RFC2: variants seen among roughly 807,000 people sequenced by gnomAD.
The protein encoded by RFC2 is A1 40 kDa subunit.
A neutral mutation model predicts 44.8 loss-of-function variants in RFC2; 34 were observed. The observed-to-expected ratio is 0.76, with a 90% CI of 0.58 to 1.01. The LOEUF is 1.01. Among genes scored for constraint, RFC2 ranks in the 50% least tolerant of loss-of-function variants. The probability of loss-of-function intolerance (pLI) is 0.00; values close to 1 mark genes in which losing one functional copy is unlikely to be tolerated. For missense variants in RFC2, 400 were observed against 453.6 expected (o/e 0.88, Z 1.07); for synonymous variants, 177 against 168.9 (o/e 1.05, Z -0.37).
At position 74,240,093 on chromosome 7, in the gene RFC2, G is replaced by T; in HGVS notation, c.538C>A (p.Pro180Thr). Reference protein sequence around the residue: ...ACNASDKIIEPIQSRCAVLRY... With the variant: ...ACNASDKIIETIQSRCAVLRY... The stretch of plus-strand genomic sequence containing the variant: ...AGGACTGCACAGCGGGACTGAATGG[G>T]CTCTGAACAGAGACGGGACAGTAGT... The change falls in exon 7 of 11, where the codon CCC (proline) becomes ACC (threonine). Residue 180 changes from proline (P) to threonine (T), a missense_variant and splice_region_variant. Transcript: ENST00000055077. 6.2e-7 allele frequency: 1 copy of T among 1,613,490 alleles called. No individual in the cohort carries two copies. The highest frequency in any genetic ancestry group is 1.3e-5 in the African/African-American group (1 of 75,024).
intron 10 of RFC2, among the ~76,000 whole-genome samples, chr7:74,234,561 G>T (rs1397171250): frequency 1.3e-5 from 2 of 152,000 alleles, no homozygotes; most frequent in Admixed American, 1.3e-4. Flanking sequence ...CAGCCACGTT[G>T]ATCTAGTTTG....
At position 74,240,058 on chromosome 7, in the gene RFC2, T is replaced by C; in HGVS notation, c.573A>G (p.Thr191=). The part of the protein sequence containing the change: ...IQSRCAVLRY[T]KLTDAQILTR... ...TGAGGATCTGGGCGTCGGTCAGCTT[T>C]GTGTACCGGAGGACTGCACAGCGGG... The change falls in exon 7 of 11, where the codon ACA becomes ACG. Residue 191 remains threonine (T), a synonymous_variant. Transcript: ENST00000055077. The C allele has an allele frequency of 6.2e-7, 1 of 1,614,100 alleles. No individual in the cohort carries two copies. The highest frequency in any genetic ancestry group is 1.1e-5 in the South Asian group (1 of 91,076).
At chr7:74,239,083 G>A (rs1028770514) in intron 7 of RFC2, 95 bp from the exon 8 acceptor site, 22 of 961,844 alleles carry the variant, frequency 2.3e-5, no homozygotes, top group Admixed American at 6.1e-5. Flanking sequence ...GGCTGGTCTC[G>A]AACTCCTGGG....
intron 3 of RFC2, among the ~76,000 whole-genome samples, 153 bp downstream of exon 3, chr7:74,249,586 C>T (rs1287106866): frequency 6.6e-6 from 1 of 151,822 alleles, no homozygotes; most frequent in Non-Finnish European, 1.5e-5. Context: ...CAGCAACCAA[C>T]CCCAGGCCTC....
At chr7:74,244,096 CAAAAAA>C (rs1179272254) in intron 5 of RFC2, among the ~76,000 whole-genome samples, 9 of 41,636 alleles carry the variant, frequency 2.2e-4, no homozygotes, top group African/African-American at 6.1e-4. Flanking sequence ...ACTAAAAATA[CAAAAAA>C]AAAAAAAAAA....
chr7:74,246,330 C>T (rs1043114249), intron 5 of RFC2, among the ~76,000 whole-genome samples: 1 of 149,926 alleles, frequency 6.7e-6, no homozygotes, highest in Non-Finnish European at 1.5e-5. Flanking sequence ...ACCCGGGAGG[C>T]GGAGGTTGCA....
In RFC2 at chr7:74,231,975, TG is replaced by T; in HGVS notation, c.*130del. ...GATTACAGGCGTGAGCTACCGTGCC[TG>T]GCCAGCCACTGGAGTTTAAAGGACA... is the stretch of plus-strand genomic sequence containing the variant. On this transcript the variant is annotated 3_prime_UTR_variant, in exon 11 of 11. Transcript: ENST00000055077. 1 of 657,766 alleles carries T rather than the reference TG, an allele frequency of 1.5e-6. No homozygotes were observed. Among genetic ancestry groups the T allele is most frequent in the Non-Finnish European group, 2.7e-6 (1 of 370,562 alleles). The allele number at this position is 657,766 out of a possible 1,614,324, so 40.7% of individuals were successfully genotyped here.
At chr7:74,235,887 GGCCTCAAGCAATCCTCCT>G in intron 9 of RFC2, among the ~76,000 whole-genome samples, 1 of 151,970 alleles carries the variant, frequency 6.6e-6, no homozygotes, top group South Asian at 2.1e-4. Context: ...CCAAGTTCCC[GGCCTCAAGCAATCCTCCT>G]GCCTCGACCT....
chr7:74,237,272 T>TATA, intron 9 of RFC2, 90 bp downstream of exon 9: 3 of 809,854 alleles, frequency 3.7e-6, no homozygotes, highest in Non-Finnish European at 6.3e-6. Context: ...GAGTGATGTG[T>TATA]ATAATGTCCC....
intron 6 of RFC2, among the ~76,000 whole-genome samples, chr7:74,241,718 G>T (rs3135675): frequency 0.031 from 4,793 of 152,308 alleles, 246 homozygotes; most frequent in African/African-American, 0.11. Context: ...CCAGCACTTT[G>T]CGAGGCCGAG....
intron 4 of RFC2, among the ~76,000 whole-genome samples, chr7:74,247,327 A>T (rs898820375): frequency 6.6e-6 from 1 of 152,070 alleles, no homozygotes; most frequent in Non-Finnish European, 1.5e-5. Context: ...ACTCTTCCTA[A>T]TTATTAGGTG....
chr7:74,242,355 C>A (rs1554719382), intron 6 of RFC2, among the ~76,000 whole-genome samples: 2 of 152,118 alleles, frequency 1.3e-5, no homozygotes, highest in African/African-American at 2.4e-5. Flanking sequence ...AACTACTCAA[C>A]CTCTCCAAGC....
chr7:74,249,671 G>A, intron 3 of RFC2, 68 bp downstream of exon 3: 1 of 1,321,020 alleles, frequency 7.6e-7, no homozygotes, highest in Non-Finnish European at 1.1e-6. Context: ...CTGTGCACAA[G>A]AAAGCAGTTC....
At chr7:74,239,480 C>T (rs782116981) in intron 7 of RFC2, among the ~76,000 whole-genome samples, 5 of 152,072 alleles carry the variant, frequency 3.3e-5, no homozygotes, top group Non-Finnish European at 5.9e-5. Context: ...TACAGGCGCC[C>T]ACCACCACGC....
intron 6 of RFC2, among the ~76,000 whole-genome samples, chr7:74,242,817 G>A (rs1803410182): frequency 1.3e-5 from 2 of 151,718 alleles, no homozygotes; most frequent in African/African-American, 4.8e-5. Flanking sequence ...CAGCTACGCA[G>A]GAGGCTGAAG....
intron 2 of RFC2, 60 bp downstream of exon 2, chr7:74,252,369 T>G: frequency 1.1e-6 from 1 of 892,600 alleles, no homozygotes; most frequent in Non-Finnish European, 1.8e-6. Flanking sequence ...ATCGCACCAC[T>G]GCACTCCAGC....
intron 9 of RFC2, among the ~76,000 whole-genome samples, chr7:74,236,884 G>T (rs1803040822): frequency 6.6e-6 from 1 of 152,094 alleles, no homozygotes; most frequent in Non-Finnish European, 1.5e-5. Flanking sequence ...GCCTGAGCCT[G>T]AGAGGTAGAG....
At chr7:74,233,341 C>T (rs1178122846) in intron 10 of RFC2, among the ~76,000 whole-genome samples, 3 of 152,008 alleles carry the variant, frequency 2.0e-5, no homozygotes, top group East Asian at 1.9e-4. Context: ...GGGGACACCC[C>T]GTCTCCACCA....
In RFC2 at chr7:74,238,852, CT is replaced by C; in HGVS notation, c.759+70del. 1.5e-6 allele frequency: 2 copies of C among 1,300,966 alleles called. No homozygotes were observed. The highest frequency in any genetic ancestry group is 2.4e-5 in the South Asian group (2 of 84,484). 80.6% of individuals were successfully genotyped at this position (1,300,966 alleles called of 1,614,324 possible). Reference sequence around the variant, plus strand: ...GTCCGTCCCCACTGCCAGCCCAGCCCTTCAGCCCCACTGGCCCCCACAGGGA... The same window carrying C: ...GTCCGTCCCCACTGCCAGCCCAGCCCTCAGCCCCACTGGCCCCCACAGGGA... On this transcript the variant is annotated intron_variant, in intron 8 of 10. Transcript: ENST00000055077. The surrounding 1 kb of genome is among the most constrained non-coding windows in gnomAD (Gnocchi z 4.0).
Sources: allele counts gnomAD v4.1 joint callset (sites outside exome capture counted in the v4.1 genomes callset), GRCh38; gene constraint gnomAD v4.1.1; non-coding constraint Gnocchi (gnomAD v3.1); transcripts MANE v1.5; gene names NCBI Gene and HGNC (gene_info 2026-07-23, HGNC 2026-07-21).